CCL28: variants seen among roughly 807,000 people sequenced by gnomAD.
The protein encoded by CCL28 is C-C motif chemokine 28.
Under a neutral mutation model 7.1 loss-of-function variants are expected in CCL28, and 4 were observed. The ratio of observed to expected loss-of-function variants is 0.56; its 90% CI spans 0.28 to 1.29. The LOEUF is 1.29. CCL28 is among the 50% of genes most tolerant of loss of function. CCL28 has a pLI of 0.11. For missense variants in CCL28, 151 were observed against 163.4 expected (o/e 0.92, Z 0.41); for synonymous variants, 55 against 57.8 (o/e 0.95, Z 0.22).
intron 1 of CCL28, 130 bp downstream of exon 1, chr5:43,412,122 TA>T: frequency 1.7e-6 from 1 of 590,332 alleles, no homozygotes; most frequent in Non-Finnish European, 2.8e-6. Context: ...CTCTTGTAGG[TA>T]ATCAGAAATC....
downstream of CCL28, among the ~76,000 whole-genome samples, chr5:43,377,717 CTTTTTTTTTTTTTTTTTTTT>C (rs767834184): frequency 4.7e-5 from 2 of 42,708 alleles, no homozygotes; most frequent in Non-Finnish European, 7.7e-5. Context: ...AGAACTTAAA[CTTTTTTTTTTTTTTTTTTTT>C]TTTTTTTTTT....
chr5:43,367,014 C>T, the CCL28 span, among the ~76,000 whole-genome samples: 1 of 152,242 alleles, frequency 6.6e-6, no homozygotes, highest in Admixed American at 6.5e-5. Context: ...TTTGTGTTTA[C>T]ACCGTGTTTG....
downstream of CCL28, among the ~76,000 whole-genome samples, chr5:43,374,705 T>A (rs1739850423): frequency 1.3e-5 from 2 of 148,840 alleles, no homozygotes; most frequent in African/African-American, 5.0e-5. Context: ...CGCTTGAACC[T>A]AGGAGGTGAA....
At chr5:43,360,770 G>A in the CCL28 span, among the ~76,000 whole-genome samples, 1 of 151,894 alleles carries the variant, frequency 6.6e-6, no homozygotes, top group South Asian at 2.1e-4. Context: ...ACTTTCTAAT[G>A]GTTTTTTTCT....
chr5:43,399,986 C>A (rs1203805623), intron 1 of CCL28, among the ~76,000 whole-genome samples: 3 of 152,052 alleles, frequency 2.0e-5, no homozygotes, highest in Admixed American at 6.6e-5. Context: ...GCTCGGACTA[C>A]AGGTGCACCC....
intron 2 of CCL28, among the ~76,000 whole-genome samples, chr5:43,383,634 T>C (rs1002287030): frequency 1.3e-5 from 2 of 152,002 alleles, no homozygotes; most frequent in African/African-American, 4.8e-5. Flanking sequence ...TTTGCTATCA[T>C]AGGAGAAAAC....
chr5:43,410,278 A>C (rs1741482734), intron 1 of CCL28, among the ~76,000 whole-genome samples: 1 of 152,192 alleles, frequency 6.6e-6, no homozygotes, highest in Non-Finnish European at 1.5e-5. Flanking sequence ...TTACATGGAC[A>C]CTTGAGTGGA....
chr5:43,376,416 C>G (rs961510344), downstream of CCL28, among the ~76,000 whole-genome samples: 1 of 152,138 alleles, frequency 6.6e-6, no homozygotes, highest in Admixed American at 6.5e-5. Context: ...CCCCCCACAA[C>G]AAAGAATTAT....
In CCL28 at chr5:43,399,923, G is replaced by A. The variant is rs560811480; in HGVS notation, c.65-11447C>T. ...CGCAATGGTGTGATCACGGCTCACC[G>A]CAGCCTTGAATGCCCAGGCTCAAGT... On this transcript the variant is annotated intron_variant, in intron 1 of 2. Coordinates refer to ENST00000361115, the MANE Select transcript of CCL28 (RefSeq NM_148672.3). Among the ~76,000 whole-genome samples the A allele has an allele frequency of 3.3e-5, 5 of 150,598 alleles. No homozygotes were observed. In the East Asian group the frequency reaches 5.9e-4, roughly 18 times the overall value.
the CCL28 span, among the ~76,000 whole-genome samples, chr5:43,364,165 C>T: frequency 6.6e-6 from 1 of 152,104 alleles, no homozygotes. Flanking sequence ...ATGGCTACTC[C>T]ATAGGCAAAG....
rs1216758392 is a variant in CCL28, at chr5:43,392,288, TG to T, written c.65-3813del. Among the ~76,000 whole-genome samples, 13 of 152,304 alleles carry T rather than the reference TG, an allele frequency of 8.5e-5. 1 individual carries two copies. The East Asian group carries it at 2.5e-3, about 29-fold the overall frequency. ...TGTGCCAACACGCCTGTTTAATTTT[TG>T]TATTTTTAGTAGAGACGGGGTTTCA... On this transcript the variant is annotated intron_variant, in intron 1 of 2. Transcript: ENST00000361115.
chr5:43,359,778 T>C, the CCL28 span, among the ~76,000 whole-genome samples: 1 of 152,132 alleles, frequency 6.6e-6, no homozygotes, highest in African/African-American at 2.4e-5. Context: ...CTAAGACTGG[T>C]CTTTTGAGAT....
chr5:43,388,808 A>C (rs1464567700), intron 1 of CCL28, among the ~76,000 whole-genome samples: 1 of 152,224 alleles, frequency 6.6e-6, no homozygotes, highest in East Asian at 1.9e-4. Context: ...GAACTGGAAA[A>C]GCATCATTCG....
At position 43,412,329 on chromosome 5, in the gene CCL28, T is replaced by C. The variant is rs1741566668; in HGVS notation, c.-13A>G. Reference sequence around the variant, plus strand: ...CTCTCTGCTGCATTCCTGCCTGCCCTACTGGCACTGACAGCAACACAAGTG... The same window carrying C: ...CTCTCTGCTGCATTCCTGCCTGCCCCACTGGCACTGACAGCAACACAAGTG... On this transcript the variant is annotated 5_prime_UTR_variant, in exon 1 of 3. Coordinates refer to ENST00000361115, the MANE Select transcript of CCL28 (RefSeq NM_148672.3). 6.2e-7 allele frequency: 1 copy of C among 1,609,800 alleles called. No individual in the cohort carries two copies.
downstream of CCL28, among the ~76,000 whole-genome samples, chr5:43,374,626 CA>C (rs559547713): frequency 2.6e-3 from 399 of 151,966 alleles, 2 homozygotes; most frequent in African/African-American, 9.2e-3. Context: ...ACTAAAAATA[CA>C]AAAATTAGCT....
chr5:43,367,231 G>T, the CCL28 span, among the ~76,000 whole-genome samples: 5 of 152,182 alleles, frequency 3.3e-5, no homozygotes, highest in Non-Finnish European at 5.9e-5. Flanking sequence ...CCCTTTCCAG[G>T]GTAGTGAACA....
chr5:43,402,328 T>C (rs563797285), intron 1 of CCL28, among the ~76,000 whole-genome samples: 4 of 152,188 alleles, frequency 2.6e-5, no homozygotes, highest in Non-Finnish European at 4.4e-5. Context: ...TGTCTCCTAA[T>C]AGGACCTTGA....
chr5:43,364,524 T>C, the CCL28 span, among the ~76,000 whole-genome samples: 5 of 152,200 alleles, frequency 3.3e-5, no homozygotes, highest in African/African-American at 9.6e-5. Flanking sequence ...TATCAATTTG[T>C]ACAAAGATAA....
downstream of CCL28, among the ~76,000 whole-genome samples, chr5:43,378,553 CATGAT>C (rs1472600259): frequency 6.6e-6 from 1 of 152,132 alleles, no homozygotes; most frequent in Non-Finnish European, 1.5e-5. Context: ...TACAGTAACT[CATGAT>C]ATAGTAACAG....
Sources: allele counts gnomAD v4.1 joint callset (sites outside exome capture counted in the v4.1 genomes callset), GRCh38; gene constraint gnomAD v4.1.1; transcripts MANE v1.5; gene names NCBI Gene and HGNC (gene_info 2026-07-23, HGNC 2026-07-21).